Variants in TTLL11 observed in about 807,000 individuals in gnomAD.
The protein encoded by TTLL11 is tubulin tyrosine ligase like 11.
In TTLL11, 42 loss-of-function variants were observed where a neutral mutation model predicts 51.7. The observed-to-expected ratio is 0.81, with a 90% CI of 0.64 to 1.05. TTLL11 has a LOEUF of 1.05. Ranked by LOEUF, TTLL11 falls within the 50% of genes least tolerant of loss-of-function variation. The pLI is 0.00. For missense variants in TTLL11, 799 were observed against 940.4 expected (o/e 0.85, Z 1.97); for synonymous variants, 381 against 383.5 (o/e 0.99, Z 0.08).
intron 2 of TTLL11, among the ~76,000 whole-genome samples, chr9:122,033,370 C>T (rs1354287882): frequency 6.6e-6 from 1 of 152,170 alleles, no homozygotes; most frequent in Non-Finnish European, 1.5e-5. Context: ...CCCTCGGCCT[C>T]CCAAAGTGCT....
chr9:121,983,043 C>A (rs763734191), intron 4 of TTLL11, among the ~76,000 whole-genome samples: 16 of 152,188 alleles, frequency 1.1e-4, no homozygotes, highest in Non-Finnish European at 2.4e-4. Context: ...GTGGCTATGG[C>A]AGCCATTCAA....
Position 121,822,903 on chromosome 9 carries a change from G to C in TTLL11, c.1841-24C>G. On this transcript the variant is annotated intron_variant, in intron 8 of 8. Transcript: ENST00000321582. The surrounding 1 kb of genome is among the most constrained non-coding windows in gnomAD (Gnocchi z 5.8). ...CCCTGTGAACAAAGAGACTGGATGAGGGGGTGCACACAGCTGCCCTACGCT... is the reference window on the plus strand; with the variant it reads ...CCCTGTGAACAAAGAGACTGGATGACGGGGTGCACACAGCTGCCCTACGCT... The C allele has an allele frequency of 6.5e-7, 1 of 1,535,212 alleles. No homozygotes were observed. The highest frequency in any genetic ancestry group is 2.5e-5 in the East Asian group (1 of 40,726).
intron 7 of TTLL11, 147 bp from the exon 8 acceptor site, chr9:121,860,590 TG>T: frequency 6.0e-6 from 4 of 665,876 alleles, no homozygotes; most frequent in Non-Finnish European, 7.8e-6. Context: ...TGTTAGGAGG[TG>T]GGGCCTCTGA....
At chr9:121,823,027 T>C in intron 8 of TTLL11, 148 bp from the exon 9 acceptor site, 1 of 992,242 alleles carries the variant, frequency 1.0e-6, no homozygotes, top group Non-Finnish European at 1.4e-6. Flanking sequence ...CAGGGCTAAC[T>C]CACTCACAGA....
At chr9:121,947,195 G>A (rs955734514) in intron 6 of TTLL11, among the ~76,000 whole-genome samples, 1 of 152,118 alleles carries the variant, frequency 6.6e-6, no homozygotes, top group Non-Finnish European at 1.5e-5. Context: ...TGAGCTGGTT[G>A]TTAAAAACCA....
intron 1 of TTLL11, among the ~76,000 whole-genome samples, chr9:122,080,868 T>C (rs80167180): frequency 0.043 from 6,488 of 152,142 alleles, 168 homozygotes; most frequent in South Asian, 0.057. Context: ...AACAAAAAGT[T>C]GTATAGCAAG....
intron 6 of TTLL11, among the ~76,000 whole-genome samples, chr9:121,949,904 C>T (rs1381158173): frequency 1.3e-5 from 2 of 152,078 alleles, no homozygotes; most frequent in Admixed American, 1.3e-4. Flanking sequence ...CCCCAGGCAA[C>T]ATGTCTGGGT....
At chr9:121,983,753 A>C (rs1028479959) in intron 4 of TTLL11, among the ~76,000 whole-genome samples, 2 of 152,016 alleles carry the variant, frequency 1.3e-5, no homozygotes, top group Admixed American at 6.5e-5. Context: ...CTCTCATAGC[A>C]TTTCTTTCTT....
chr9:121,896,023 T>C (rs1588106206), intron 6 of TTLL11, among the ~76,000 whole-genome samples: 1 of 128,942 alleles, frequency 7.8e-6, no homozygotes, highest in Admixed American at 7.9e-5. Flanking sequence ...GTTGTGTGTG[T>C]GTATGAATGT....
chr9:121,856,056 A>G (rs1296200988), intron 8 of TTLL11, among the ~76,000 whole-genome samples: 2 of 152,122 alleles, frequency 1.3e-5, no homozygotes, highest in Non-Finnish European at 2.9e-5. Flanking sequence ...GTTTTTATTC[A>G]AATACTAGGG....
chr9:122,010,883 A>C (rs1438019165), intron 3 of TTLL11, among the ~76,000 whole-genome samples: 1 of 152,186 alleles, frequency 6.6e-6, no homozygotes. Context: ...CTGCCACCTA[A>C]TGGTTGTTAG....
chr9:121,913,816 A>T (rs577667547), intron 6 of TTLL11, among the ~76,000 whole-genome samples: 6 of 152,162 alleles, frequency 3.9e-5, no homozygotes, highest in Non-Finnish European at 8.8e-5. Context: ...ATCCTGCCTC[A>T]TGCTCTTTCA....
At position 122,092,899 on chromosome 9, in the gene TTLL11, G is replaced by A; in HGVS notation, c.250C>T (p.Pro84Ser). The A allele has an allele frequency of 6.4e-7, 1 of 1,569,942 alleles. No individual in the cohort carries two copies. The highest frequency in any genetic ancestry group is 8.6e-7 in the Non-Finnish European group (1 of 1,166,192). The change falls in exon 1 of 9, where the codon CCG (proline) becomes TCG (serine). Residue 84 changes from proline (P) to serine (S), a missense_variant. Pro to Ser is a moderately conservative substitution (Grantham distance 74). Coordinates refer to ENST00000321582, the MANE Select transcript of TTLL11 (RefSeq NM_001139442.2). The part of the protein sequence containing the change: ...EEGNTQVLQR[P>S]PPTLPPSKPK... Reference sequence around the variant, plus strand: ...TTGGACGGGGGCAGCGTGGGCGGCGGCCGCTGAAGGACCTGGGTGTTCCCC... The same window carrying A: ...TTGGACGGGGGCAGCGTGGGCGGCGACCGCTGAAGGACCTGGGTGTTCCCC...
chr9:121,988,917 G>T, intron 4 of TTLL11: 2 of 610,382 alleles, frequency 3.3e-6, no homozygotes, highest in Non-Finnish European at 5.3e-6. Context: ...TGCTTTACAT[G>T]TGTTATCTCA....
chr9:122,091,575 A>T (rs943140250), intron 1 of TTLL11, among the ~76,000 whole-genome samples: 3 of 152,158 alleles, frequency 2.0e-5, no homozygotes, highest in African/African-American at 4.8e-5. Flanking sequence ...CTCTGACCAC[A>T]TCAGTCCTTT....
At position 121,899,355 on chromosome 9, in the gene TTLL11, A is replaced by ATGTG. The variant is rs141125928; in HGVS notation, c.1482-28611_1482-28608dup. Among the ~76,000 whole-genome samples, 896 of 138,694 alleles carry ATGTG rather than the reference A, an allele frequency of 6.5e-3. 4 individuals carry two copies. Among genetic ancestry groups the ATGTG allele is most frequent in the African/African-American group, 0.023 (836 of 36,064 alleles). 91.0% of individuals were successfully genotyped at this position (138,694 alleles called of 152,430 possible). On this transcript the variant is annotated intron_variant, in intron 6 of 8. Transcript: ENST00000321582. ...ATTAATTCACTCTGTGTGTGTGTGT[A>ATGTG]TGTGTGTGTGTATATATATATACAT...
intron 8 of TTLL11, among the ~76,000 whole-genome samples, chr9:121,846,541 C>A (rs1016146582): frequency 6.6e-6 from 1 of 152,112 alleles, no homozygotes; most frequent in East Asian, 1.9e-4. Context: ...CCACAAAACA[C>A]ACCTTTTTAA....
chr9:121,950,108 G>A (rs1588148036), intron 6 of TTLL11, among the ~76,000 whole-genome samples: 1 of 152,104 alleles, frequency 6.6e-6, no homozygotes. Context: ...TCTTGCTCCT[G>A]TACCATGTTG....
At chr9:121,953,626 C>T (rs7872141) in intron 6 of TTLL11, among the ~76,000 whole-genome samples, 1,533 of 110,620 alleles carry the variant, frequency 0.014, 38 homozygotes, top group African/African-American at 0.05. Flanking sequence ...GAGCAAGATG[C>T]CGCCTCAAAA....
Sources: gnomAD v4.1 joint callset for allele counts (sites outside exome capture counted in the v4.1 genomes callset) on GRCh38, gnomAD v4.1.1 for gene constraint, Gnocchi (gnomAD v3.1) non-coding constraint, MANE v1.5 for transcripts, NCBI Gene and HGNC (gene_info 2026-07-23, HGNC 2026-07-21) for gene names.